MZT2B: variants seen among roughly 807,000 people sequenced by gnomAD.
The protein encoded by MZT2B is mitotic-spindle organizing protein 2B.
A neutral mutation model predicts 12.1 loss-of-function variants in MZT2B; 11 were observed. That is an observed-to-expected ratio of 0.91 (90% CI 0.57 to 1.50). The LOEUF (loss-of-function observed/expected upper bound fraction) is 1.50. MZT2B is among the 40% of genes most tolerant of loss of function. MZT2B has a pLI of 0.00. For synonymous variants in MZT2B, 85 were observed against 109.5 expected (o/e 0.78, Z 1.40); for missense variants, 209 against 227.7 (o/e 0.92, Z 0.53).
chr2:130,182,071 T>G, upstream of MZT2B: 1 of 1,345,384 alleles, frequency 7.4e-7, no homozygotes, highest in Non-Finnish European at 9.6e-7. Context: ...GCCATGCCAC[T>G]CCCGGCTCCT....
chr2:130,188,059 C>T (rs1447919194), intron 2 of MZT2B: 2 of 131,108 alleles, frequency 1.5e-5, no homozygotes, highest in Admixed American at 1.7e-4. Context: ...CCCCCTCCCC[C>T]ACCACTCAAA....
chr2:130,194,382 T>A (rs956842944), downstream of MZT2B: 1 of 1,613,072 alleles, frequency 6.2e-7, no homozygotes, highest in Non-Finnish European at 8.5e-7. Flanking sequence ...AGCCGCTCCA[T>A]GAGCAGAGAT....
Position 130,184,393 on chromosome 2 carries a change from C to G in MZT2B, c.319+1618C>G, listed in dbSNP as rs1689971631. 3.0e-6 allele frequency: 3 copies of G among 985,458 alleles called. No individual in the cohort carries two copies. In the South Asian group the frequency reaches 1.4e-4, roughly 46 times the overall value. The allele number at this position is 985,458 out of a possible 1,614,324, so 61.0% of individuals were successfully genotyped here. ...AGAGACTCCCACCTTCCCAGAGTCT[C>G]CTGGGCAGTGCCACACAGATGCCAT... On this transcript the variant is annotated intron_variant, in intron 2 of 2. Transcript: ENST00000281871.
intron 2 of MZT2B, chr2:130,184,498 A>G (rs1327207800): frequency 1.0e-6 from 1 of 985,284 alleles, no homozygotes. Context: ...TCCAGGTGTC[A>G]GCAGGTGTGA....
chr2:130,204,253 G>C, the MZT2B span: 1 of 745,958 alleles, frequency 1.3e-6, no homozygotes, highest in Non-Finnish European at 2.1e-6. Context: ...GGCCCTGCAG[G>C]AGTTCTTGGA....
downstream of MZT2B, chr2:130,195,030 C>T (rs749543387): frequency 6.2e-7 from 1 of 1,603,112 alleles, no homozygotes; most frequent in Non-Finnish European, 8.5e-7. Context: ...ATTCCAAGAA[C>T]TACCCCTCCC....
upstream of MZT2B, chr2:130,182,016 C>G (rs1689697920): frequency 1.5e-6 from 2 of 1,358,532 alleles, no homozygotes; most frequent in East Asian, 6.5e-5. Context: ...CCAATGCAGT[C>G]TATCAGGGAG....
chr2:130,184,928 G>A, intron 2 of MZT2B: 8 of 975,162 alleles, frequency 8.2e-6, no homozygotes, highest in Non-Finnish European at 9.7e-6. Flanking sequence ...ACTTTGGGAA[G>A]TCAAGGCAGG....
At chr2:130,190,870 G>A, downstream of MZT2B, 1 of 906,308 alleles carries the variant, frequency 1.1e-6, no homozygotes, top group Non-Finnish European at 1.5e-6. Flanking sequence ...ACCTGATTTG[G>A]GTTCTGAGAA....
At chr2:130,186,625 T>G (rs974704781) in intron 2 of MZT2B, among the ~76,000 whole-genome samples, 3 of 152,124 alleles carry the variant, frequency 2.0e-5, no homozygotes, top group Non-Finnish European at 4.4e-5. Flanking sequence ...AGATGCCAAA[T>G]GACCGGTACA....
At chr2:130,193,885 G>T (rs1690332888), downstream of MZT2B, 2 of 1,614,206 alleles carry the variant, frequency 1.2e-6, no homozygotes, top group Non-Finnish European at 1.7e-6. Context: ...CGTCCCCCCT[G>T]TACAACATGC....
chr2:130,189,873 T>C (rs1312523415), intron 2 of MZT2B, among the ~76,000 whole-genome samples: 1 of 152,194 alleles, frequency 6.6e-6, no homozygotes, highest in Non-Finnish European at 1.5e-5. Context: ...AGGAACCCTG[T>C]CATGGAATCT....
At chr2:130,194,234 A>C, downstream of MZT2B, 1 of 1,612,456 alleles carries the variant, frequency 6.2e-7, no homozygotes, top group Non-Finnish European at 8.5e-7. Context: ...ATTGTCGACC[A>C]TGAAGGCACA....
intron 2 of MZT2B, chr2:130,184,426 C>T (rs1419319738): frequency 1.0e-5 from 10 of 985,342 alleles, no homozygotes; most frequent in Admixed American, 1.2e-4. Flanking sequence ...CATATGCTGG[C>T]CCCGTGGCCA....
At chr2:130,182,560 C>G (rs376357438) in intron 1 of MZT2B, 67 bp from the exon 2 acceptor site, 1 of 1,568,988 alleles carries the variant, frequency 6.4e-7, no homozygotes, top group Non-Finnish European at 8.6e-7. Flanking sequence ...CCGTCCTTGT[C>G]GGGTCTTCAG....
intron 2 of MZT2B, among the ~76,000 whole-genome samples, chr2:130,186,860 T>G (rs1473373028): frequency 6.6e-6 from 1 of 151,506 alleles, no homozygotes; most frequent in African/African-American, 2.4e-5. Context: ...GAGCTGTGAC[T>G]GCACCACTGC....
chr2:130,196,219 G>A, the MZT2B span: 10 of 1,613,986 alleles, frequency 6.2e-6, no homozygotes, highest in East Asian at 2.0e-4. Flanking sequence ...TCTCACTGAA[G>A]AACGTGTTGA....
upstream of MZT2B, chr2:130,182,152 G>A: frequency 4.0e-6 from 5 of 1,255,622 alleles, no homozygotes; most frequent in Non-Finnish European, 5.0e-6. Flanking sequence ...AGGCGGCCCC[G>A]TCCCCGCGCT....
the MZT2B span, chr2:130,204,472 C>T: frequency 5.8e-6 from 2 of 347,096 alleles, no homozygotes; most frequent in Non-Finnish European, 1.2e-5. Context: ...GGGTGGATGG[C>T]CTGAGGTCAG....
Sources: gnomAD v4.1 joint callset for allele counts (sites outside exome capture counted in the v4.1 genomes callset) on GRCh38, gnomAD v4.1.1 for gene constraint, MANE v1.5 for transcripts, NCBI Gene and HGNC (gene_info 2026-07-23, HGNC 2026-07-21) for gene names.